The following GLIS3 variants were observed in gnomAD, a reference collection of about 807,000 sequenced individuals.
The protein encoded by GLIS3 is zinc finger protein GLIS3.
In GLIS3, 53 loss-of-function variants were observed where a neutral mutation model predicts 78.6. The ratio of observed to expected loss-of-function variants is 0.67; its 90% CI spans 0.54 to 0.85. The LOEUF is 0.85. Ranked by LOEUF, GLIS3 falls within the 40% of genes least tolerant of loss-of-function variation. The pLI, the probability that GLIS3 is intolerant of heterozygous loss-of-function variation, is 0.00. For missense variants in GLIS3, 1,703 were observed against 1,231.1 expected, an observed-to-expected ratio of 1.38 and a Z score of -5.74; for synonymous variants, 684 against 509.9, an observed-to-expected ratio of 1.34 and a Z score of -4.60.
At chr9:4,149,705 A>T (rs141404503) in intron 2 of GLIS3, among the ~76,000 whole-genome samples, 1 of 152,328 alleles carries the variant, frequency 6.6e-6, no homozygotes, top group Non-Finnish European at 1.5e-5. Flanking sequence ...GATGCATAAC[A>T]TGAAATTCAT....
chr9:4,014,974 C>T (rs1379882034), intron 4 of GLIS3, among the ~76,000 whole-genome samples: 1 of 152,182 alleles, frequency 6.6e-6, no homozygotes, highest in Non-Finnish European at 1.5e-5. Flanking sequence ...AAGACAGACC[C>T]TTCCCTTCAT....
chr9:4,177,109 T>C (rs11790620), intron 2 of GLIS3, among the ~76,000 whole-genome samples: 40,489 of 151,884 alleles, frequency 0.27, 5,643 homozygotes, highest in Middle Eastern at 0.31. Flanking sequence ...CACTGAGTGT[T>C]ATCTTGTCAA....
chr9:4,106,957 A>C (rs889040260), intron 4 of GLIS3, among the ~76,000 whole-genome samples: 7 of 152,106 alleles, frequency 4.6e-5, no homozygotes, highest in African/African-American at 1.4e-4. Context: ...CACTTGAGAT[A>C]GGGAGCATTT....
chr9:4,196,521 C>T (rs1042077734), intron 2 of GLIS3, among the ~76,000 whole-genome samples: 2 of 152,326 alleles, frequency 1.3e-5, no homozygotes, highest in South Asian at 4.1e-4. Context: ...TCTGCAGCTT[C>T]ACTCCTGAGG....
chr9:4,047,603 A>C (rs1384213070), intron 4 of GLIS3, among the ~76,000 whole-genome samples: 2 of 152,168 alleles, frequency 1.3e-5, no homozygotes, highest in Non-Finnish European at 2.9e-5. Context: ...GCTGGGAGCT[A>C]GAGATGCATA....
chr9:4,231,598 A>G (rs999808937), intron 2 of GLIS3, among the ~76,000 whole-genome samples: 1 of 152,214 alleles, frequency 6.6e-6, no homozygotes, highest in Admixed American at 6.5e-5. Flanking sequence ...GAATAAAGCA[A>G]AACTCTTAAA....
chr9:4,142,639 T>C (rs1469349332), intron 2 of GLIS3, among the ~76,000 whole-genome samples: 1 of 152,180 alleles, frequency 6.6e-6, no homozygotes, highest in Non-Finnish European at 1.5e-5. Context: ...ACAAATCCAG[T>C]TTGAAATAAA....
chr9:4,183,248 AG>A (rs964673264), intron 2 of GLIS3, among the ~76,000 whole-genome samples: 2 of 152,326 alleles, frequency 1.3e-5, no homozygotes, highest in African/African-American at 4.8e-5. Context: ...TAGAACTTTA[AG>A]GAGAAATTCA....
At chr9:4,477,370 G>C in the GLIS3 span, among the ~76,000 whole-genome samples, 1 of 150,514 alleles carries the variant, frequency 6.6e-6, no homozygotes, top group East Asian at 2.0e-4. Flanking sequence ...GTTAGAGTGG[G>C]GTGGGGGTGG....
intron 2 of GLIS3, among the ~76,000 whole-genome samples, chr9:4,251,427 A>ACC (rs1410928812): frequency 7.8e-6 from 1 of 127,430 alleles, no homozygotes; most frequent in African/African-American, 2.9e-5. Context: ...TAGGATTGCA[A>ACC]TCTTTTTTTT....
chr9:4,334,465 A>G (rs1344605548), intron 2 of GLIS3, among the ~76,000 whole-genome samples: 2 of 152,316 alleles, frequency 1.3e-5, no homozygotes, highest in East Asian at 3.9e-4. Context: ...AAACAATTGT[A>G]GTGCAAATGC....
intron 4 of GLIS3, among the ~76,000 whole-genome samples, chr9:3,995,008 T>G (rs1485647792): frequency 6.6e-6 from 1 of 152,148 alleles, no homozygotes; most frequent in African/African-American, 2.4e-5. Context: ...AAGGGGCCAG[T>G]TGAGAAGAAT....
the GLIS3 span, among the ~76,000 whole-genome samples, chr9:4,400,445 G>A: frequency 6.6e-5 from 10 of 152,154 alleles, no homozygotes; most frequent in Admixed American, 5.9e-4. Flanking sequence ...ATGTGATTAT[G>A]AGACATGAGT....
In GLIS3 at chr9:3,828,188, C is replaced by T. The variant is rs1817827254; in HGVS notation, c.*84G>A. On this transcript the variant is annotated 3_prime_UTR_variant, in exon 11 of 11. Transcript: ENST00000381971. Reference sequence around the variant, plus strand: ...CCCGCTGATTGGGCTGACATCCTTCCTCAAGCAGTCTGTGAGAGTACGAAA... The same window carrying T: ...CCCGCTGATTGGGCTGACATCCTTCTTCAAGCAGTCTGTGAGAGTACGAAA... 1 of 1,532,588 alleles carries T rather than the reference C, an allele frequency of 6.5e-7. No homozygotes were observed. Among genetic ancestry groups the T allele is most frequent in the East Asian group, 2.3e-5 (1 of 44,436 alleles). 94.9% of individuals were successfully genotyped at this position (1,532,588 alleles called of 1,614,324 possible).
chr9:4,052,776 A>G lies in GLIS3; in HGVS notation c.1710+64992T>C, dbSNP rs1053326780. Among the ~76,000 whole-genome samples the G allele has an allele frequency of 4.6e-5, 7 of 152,190 alleles. No individual in the cohort carries two copies. The South Asian group carries it at 1.4e-3, about 32-fold the overall frequency. ...TTTGCCTATTATGAGCAGTGCTACTAAAAACATTCATGTAAACGTTTTTGT... is the reference window on the plus strand; with the variant it reads ...TTTGCCTATTATGAGCAGTGCTACTGAAAACATTCATGTAAACGTTTTTGT... On this transcript the variant is annotated intron_variant, in intron 4 of 10. Coordinates refer to ENST00000381971, the MANE Select transcript of GLIS3 (RefSeq NM_001042413.2).
At chr9:4,180,706 T>C (rs2060322830) in intron 2 of GLIS3, among the ~76,000 whole-genome samples, 1 of 152,236 alleles carries the variant, frequency 6.6e-6, no homozygotes, top group African/African-American at 2.4e-5. Flanking sequence ...CCCCAATTCT[T>C]GTGCATTGAT....
At chr9:4,481,574 G>A in the GLIS3 span, among the ~76,000 whole-genome samples, 1 of 151,460 alleles carries the variant, frequency 6.6e-6, no homozygotes, top group Non-Finnish European at 1.5e-5. Flanking sequence ...ATTTCCCCAT[G>A]TAATTCCCAT....
the GLIS3 span, among the ~76,000 whole-genome samples, chr9:4,444,741 C>T: frequency 3.9e-5 from 6 of 152,334 alleles, no homozygotes; most frequent in African/African-American, 1.4e-4. Flanking sequence ...ATGCCTTACA[C>T]ACATCCACTC....
intron 1 of GLIS3, among the ~76,000 whole-genome samples, chr9:4,297,578 G>A (rs369706660): frequency 1.3e-5 from 2 of 152,222 alleles, no homozygotes; most frequent in African/African-American, 2.4e-5. Context: ...CCGGCTCGGG[G>A]AGAGGGTGCA....
Sources: allele counts gnomAD v4.1 joint callset (sites outside exome capture counted in the v4.1 genomes callset), GRCh38; gene constraint gnomAD v4.1.1; transcripts MANE v1.5; gene names NCBI Gene and HGNC (gene_info 2026-07-23, HGNC 2026-07-21).